DCDC1: variants seen among roughly 807,000 people sequenced by gnomAD.
DCDC1 encodes doublecortin domain-containing protein 1.
A neutral mutation model predicts 178.3 loss-of-function variants in DCDC1; 200 were observed. That is an observed-to-expected ratio of 1.12 (90% CI 1.00 to 1.26). The LOEUF (loss-of-function observed/expected upper bound fraction) is 1.26, where lower values mean the gene tolerates loss of function less well. Ranked by LOEUF, DCDC1 falls within the 50% of genes most tolerant of loss-of-function variation. The pLI, the probability that DCDC1 is intolerant of heterozygous loss-of-function variation, is 0.00. For missense variants in DCDC1, 1,983 were observed against 1,749.2 expected, an observed-to-expected ratio of 1.13 and a Z score of -2.38; for synonymous variants, 690 against 604.8, an observed-to-expected ratio of 1.14 and a Z score of -2.07.
At chr11:31,175,410 C>G (rs79680831) in intron 9 of DCDC1, among the ~76,000 whole-genome samples, 9 of 152,218 alleles carry the variant, frequency 5.9e-5, no homozygotes, top group Non-Finnish European at 1.3e-4. Context: ...TCCCAAGGAA[C>G]AGGGGGACCT....
chr11:31,347,828 TA>T (rs1286055109), intron 1 of DCDC1, among the ~76,000 whole-genome samples: 2 of 152,164 alleles, frequency 1.3e-5, no homozygotes, highest in African/African-American at 2.4e-5. Context: ...CCTTGCCAAT[TA>T]ATGGTGAAGA....
chr11:31,276,877 G>T (rs1946036081), intron 7 of DCDC1, among the ~76,000 whole-genome samples: 2 of 152,034 alleles, frequency 1.3e-5, no homozygotes, highest in African/African-American at 4.8e-5. Flanking sequence ...TTTAGAATGT[G>T]AATGAGAAGT....
At chr11:31,051,020 TG>T (rs1955208083) in intron 20 of DCDC1, among the ~76,000 whole-genome samples, 1 of 152,178 alleles carries the variant, frequency 6.6e-6, no homozygotes, top group Non-Finnish European at 1.5e-5. Flanking sequence ...AGAGGCTAGT[TG>T]TTAAGCTAAT....
At chr11:31,169,927 A>G (rs1438927122) in intron 9 of DCDC1, among the ~76,000 whole-genome samples, 1 of 152,214 alleles carries the variant, frequency 6.6e-6, no homozygotes, top group Non-Finnish European at 1.5e-5. Context: ...CAGAAGCAGC[A>G]TAAGCTAAGG....
chr11:31,079,505 T>C (rs1957056461), intron 17 of DCDC1, among the ~76,000 whole-genome samples: 3 of 152,134 alleles, frequency 2.0e-5, no homozygotes, highest in African/African-American at 4.8e-5. Flanking sequence ...TCCCGACATA[T>C]AGCTGGTTGG....
At chr11:31,283,691 A>G (rs1026581284) in intron 7 of DCDC1, among the ~76,000 whole-genome samples, 16 of 152,048 alleles carry the variant, frequency 1.1e-4, no homozygotes, top group African/African-American at 3.9e-4. Flanking sequence ...ATACTCCCAT[A>G]CTTGTTTCCC....
intron 9 of DCDC1, among the ~76,000 whole-genome samples, chr11:31,165,074 C>T (rs975464856): frequency 5.9e-5 from 9 of 152,012 alleles, no homozygotes; most frequent in African/African-American, 2.2e-4. Flanking sequence ...TAGGCTATAC[C>T]ACATAGGACA....
At chr11:31,007,678 T>A (rs1951929864) in intron 20 of DCDC1, among the ~76,000 whole-genome samples, 1 of 152,140 alleles carries the variant, frequency 6.6e-6, no homozygotes, top group Non-Finnish European at 1.5e-5. Flanking sequence ...TTTTCTTTTT[T>A]TTTGAGACGG....
chr11:31,249,789 A>G (rs1421641367), intron 8 of DCDC1, among the ~76,000 whole-genome samples: 3 of 152,182 alleles, frequency 2.0e-5, no homozygotes, highest in East Asian at 3.9e-4. Context: ...AAGGAACTCA[A>G]TGATTGAAGA....
chr11:30,983,836 G>A (rs955474528), intron 20 of DCDC1, among the ~76,000 whole-genome samples: 3 of 152,020 alleles, frequency 2.0e-5, no homozygotes, highest in African/African-American at 7.2e-5. Flanking sequence ...CACCAGAGCA[G>A]AAATAAATTG....
intron 20 of DCDC1, among the ~76,000 whole-genome samples, chr11:31,014,375 T>C (rs1391176297): frequency 2.6e-5 from 4 of 152,066 alleles, no homozygotes; most frequent in African/African-American, 9.7e-5. Context: ...TGTTGTCTCC[T>C]GCCAACAGCC....
intron 36 of DCDC1, 138 bp from the exon 37 acceptor site, chr11:30,881,446 A>C: frequency 9.0e-7 from 1 of 1,105,566 alleles, no homozygotes; most frequent in Non-Finnish European, 1.3e-6. Flanking sequence ...ATTCGTATAG[A>C]AGAGATGGGA....
chr11:31,145,417 C>G (rs780319185), intron 9 of DCDC1, among the ~76,000 whole-genome samples: 7 of 152,098 alleles, frequency 4.6e-5, no homozygotes, highest in African/African-American at 1.7e-4. Flanking sequence ...TAGGTAATGA[C>G]CGGAAGTAGC....
intron 7 of DCDC1, among the ~76,000 whole-genome samples, chr11:31,288,648 A>AG (rs1947012796): frequency 2.0e-5 from 3 of 151,776 alleles, no homozygotes; most frequent in African/African-American, 7.2e-5. Flanking sequence ...ATTCTACTTC[A>AG]GTTTTACATT....
At chr11:31,194,041 G>A (rs566296418) in intron 9 of DCDC1, among the ~76,000 whole-genome samples, 10 of 152,044 alleles carry the variant, frequency 6.6e-5, no homozygotes, top group African/African-American at 2.2e-4. Flanking sequence ...TCCATCCTTC[G>A]CAAAATCAAT....
At chr11:31,003,135 A>G (rs1389847441) in intron 20 of DCDC1, among the ~76,000 whole-genome samples, 1 of 151,506 alleles carries the variant, frequency 6.6e-6, no homozygotes, top group Admixed American at 6.6e-5. Context: ...AGATTTCCAT[A>G]TATTACATAG....
chr11:31,038,075 T>TG (rs59950322), intron 20 of DCDC1, among the ~76,000 whole-genome samples: 57,298 of 122,996 alleles, frequency 0.47, 13,970 homozygotes, highest in Middle Eastern at 0.56. Context: ...GGCCTGTTGT[T>TG]GGGGGAGGGG....
intron 8 of DCDC1, among the ~76,000 whole-genome samples, chr11:31,253,806 T>C (rs1286846677): frequency 6.6e-6 from 1 of 152,188 alleles, no homozygotes; most frequent in Non-Finnish European, 1.5e-5. Context: ...AGAAAAGAGA[T>C]AATACAGTGT....
At chr11:31,289,353 TAAC>T (rs1947059005) in intron 7 of DCDC1, among the ~76,000 whole-genome samples, 2 of 152,082 alleles carry the variant, frequency 1.3e-5, no homozygotes. Context: ...GAAGATGTTA[TAAC>T]TTGCCTTAGC....
Sources: gnomAD v4.1 joint callset for allele counts (sites outside exome capture counted in the v4.1 genomes callset) on GRCh38, gnomAD v4.1.1 for gene constraint, MANE v1.5 for transcripts, NCBI Gene and HGNC (gene_info 2026-07-23, HGNC 2026-07-21) for gene names.